The following ACYP2 variants were observed in gnomAD, a reference collection of about 807,000 sequenced individuals.
ACYP2 encodes acylphosphatase-2.
A neutral mutation model predicts 11.2 loss-of-function variants in ACYP2; 12 were observed. The observed-to-expected ratio is 1.08, with a 90% CI of 0.69 to 1.74. The LOEUF (loss-of-function observed/expected upper bound fraction) is 1.74. ACYP2 is among the 40% of genes most tolerant of loss of function. The pLI is 0.00. For missense variants in ACYP2, 134 were observed against 101.9 expected, an observed-to-expected ratio of 1.31 and a Z score of -1.35; for synonymous variants, 43 against 32.2, an observed-to-expected ratio of 1.33 and a Z score of -1.13.
At chr2:54,133,998 A>G (rs1681077341) in intron 4 of ACYP2, among the ~76,000 whole-genome samples, 1 of 152,254 alleles carries the variant, frequency 6.6e-6, no homozygotes, top group South Asian at 2.1e-4. Context: ...AGAACAGCTT[A>G]TCATGGTCTA....
rs1572677469 is a variant in ACYP2 at position 54,064,559 on chromosome 2, C to T, written c.277+7199C>T. 2.0e-5 allele frequency among the ~76,000 whole-genome samples: 3 copies of T among 152,160 alleles called. No individual in the cohort carries two copies. The South Asian group carries it at 6.2e-4, about 32-fold the overall frequency. ...TACATTTCTTTGCTTTTTAAATTAG[C>T]CAGAGTCCACGTCTGCTTTTAGTAA... On this transcript the variant is annotated intron_variant, in intron 4 of 6. Transcript: ENST00000607452.
chr2:54,058,728 T>G (rs1676300041), intron 4 of ACYP2, among the ~76,000 whole-genome samples: 1 of 139,884 alleles, frequency 7.1e-6, no homozygotes, highest in Non-Finnish European at 1.6e-5. Context: ...TTTTTTTTTT[T>G]GGTCAGGAGC....
At chr2:54,240,377 T>C (rs1487160028) in intron 6 of ACYP2, among the ~76,000 whole-genome samples, 1 of 152,160 alleles carries the variant, frequency 6.6e-6, no homozygotes, top group Non-Finnish European at 1.5e-5. Context: ...GCCTTCTTGG[T>C]GAGCAGACAA....
At chr2:54,037,454 A>G (rs982169349) in intron 2 of ACYP2, among the ~76,000 whole-genome samples, 2 of 152,154 alleles carry the variant, frequency 1.3e-5, no homozygotes, top group Non-Finnish European at 2.9e-5. Flanking sequence ...TCTGTCACCC[A>G]GGCTGAGGTG....
intron 2 of ACYP2, among the ~76,000 whole-genome samples, chr2:54,016,106 C>G (rs185283548): frequency 1.2e-4 from 18 of 152,096 alleles, no homozygotes; most frequent in Middle Eastern, 3.4e-3. Flanking sequence ...AATTGCTTGA[C>G]TTAATTATTC....
rs1671598351 is a variant in ACYP2, at chr2:53,978,419, C to T, written c.62+4609C>T. Reference sequence around the variant, plus strand: ...GTCCACCAAGTTATATAGTCATGTACAGCATAATGATGTTTTGGTCAAGTA... The same window carrying T: ...GTCCACCAAGTTATATAGTCATGTATAGCATAATGATGTTTTGGTCAAGTA... On this transcript the variant is annotated intron_variant, in intron 2 of 6. Coordinates refer to ENST00000607452, the MANE Select transcript of ACYP2 (RefSeq NM_001320586.2). 2.6e-5 allele frequency among the ~76,000 whole-genome samples: 4 copies of T among 152,246 alleles called. No individual in the cohort carries two copies. In the South Asian group the frequency reaches 8.3e-4, roughly 32 times the overall value.
At chr2:54,242,438 T>G (rs1268654622) in intron 6 of ACYP2, among the ~76,000 whole-genome samples, 1 of 152,232 alleles carries the variant, frequency 6.6e-6, no homozygotes, top group African/African-American at 2.4e-5. Context: ...TGGATTATAT[T>G]TAGCAGAATG....
intron 6 of ACYP2, chr2:54,253,195 G>C (rs843707): frequency 1.3e-5 from 2 of 152,052 alleles, no homozygotes; most frequent in Non-Finnish European, 2.9e-5. Context: ...ATATTTTGTA[G>C]TTTATTTACC....
chr2:53,992,482 A>G (rs1025282450), intron 2 of ACYP2, among the ~76,000 whole-genome samples: 27 of 152,206 alleles, frequency 1.8e-4, no homozygotes, highest in African/African-American at 6.3e-4. Flanking sequence ...AGAGATGACA[A>G]TGGCTTGTAT....
chr2:53,994,367 A>ATATTAGCCAG (rs1672459032), intron 2 of ACYP2, among the ~76,000 whole-genome samples: 1 of 150,380 alleles, frequency 6.6e-6, no homozygotes, highest in Non-Finnish European at 1.5e-5. Context: ...AAAAAACAAA[A>ATATTAGCCAG]TATTAGCCAG....
intron 6 of ACYP2, among the ~76,000 whole-genome samples, chr2:54,145,609 C>G (rs1287654958): frequency 2.0e-5 from 3 of 152,052 alleles, no homozygotes; most frequent in Non-Finnish European, 2.9e-5. Context: ...ATATATTCCT[C>G]CAACTTTTTT....
intron 2 of ACYP2, among the ~76,000 whole-genome samples, chr2:53,982,828 C>CTCTGTGTGTGTGTG (rs375187346): frequency 1.4e-5 from 2 of 140,524 alleles, no homozygotes; most frequent in African/African-American, 5.5e-5. Flanking sequence ...TCACACAAGA[C>CTCTGTGTGTGTGTG]TGTGTGTGTG....
intron 4 of ACYP2, among the ~76,000 whole-genome samples, chr2:54,072,137 A>G (rs988470372): frequency 1.3e-5 from 2 of 152,244 alleles, no homozygotes; most frequent in Non-Finnish European, 2.9e-5. Flanking sequence ...GCAAACCTGT[A>G]ATCTGAAAAC....
chr2:54,072,739 T>A (rs1677131697), intron 4 of ACYP2, among the ~76,000 whole-genome samples: 2 of 152,020 alleles, frequency 1.3e-5, no homozygotes. Context: ...ATTTTTGTAT[T>A]TTTAGTGGAG....
intron 3 of ACYP2, among the ~76,000 whole-genome samples, chr2:54,054,452 T>G (rs1676017431): frequency 6.6e-6 from 1 of 152,250 alleles, no homozygotes; most frequent in African/African-American, 2.4e-5. Flanking sequence ...GATATTCTGC[T>G]GACAGATTGA....
At chr2:53,992,127 C>T (rs903251553) in intron 2 of ACYP2, among the ~76,000 whole-genome samples, 4 of 148,884 alleles carry the variant, frequency 2.7e-5, no homozygotes, top group Non-Finnish European at 5.9e-5. Flanking sequence ...TCCCTTTCTT[C>T]CTTCTTTCTT....
intron 6 of ACYP2, chr2:54,253,160 T>A (rs1198415154): frequency 1.3e-5 from 2 of 152,210 alleles, no homozygotes; most frequent in Admixed American, 1.3e-4. Flanking sequence ...GGACAAGTTA[T>A]CAAAAAGGAC....
chr2:54,184,326 C>T (rs1327341579), intron 6 of ACYP2, among the ~76,000 whole-genome samples: 7 of 152,104 alleles, frequency 4.6e-5, no homozygotes, highest in Non-Finnish European at 8.8e-5. Flanking sequence ...GCGCCACATT[C>T]GGAGTGACAG....
chr2:54,025,201 C>T (rs966370014), intron 2 of ACYP2, among the ~76,000 whole-genome samples: 1 of 152,064 alleles, frequency 6.6e-6, no homozygotes, highest in Non-Finnish European at 1.5e-5. Flanking sequence ...ATGACATTCT[C>T]ATCATTCTTC....
Sources: gnomAD v4.1 joint callset for allele counts (sites outside exome capture counted in the v4.1 genomes callset) on GRCh38, gnomAD v4.1.1 for gene constraint, MANE v1.5 for transcripts, NCBI Gene and HGNC (gene_info 2026-07-23, HGNC 2026-07-21) for gene names.